The following GRIK4 variants were observed in gnomAD, a reference collection of about 807,000 sequenced individuals.
GRIK4 encodes the protein glutamate receptor ionotropic, kainate 4.
A neutral mutation model predicts 104.9 loss-of-function variants in GRIK4; 40 were observed. That is an observed-to-expected ratio of 0.38 (90% confidence interval 0.30 to 0.50). The LOEUF is 0.50. Ranked by LOEUF, GRIK4 falls within the 20% of genes least tolerant of loss-of-function variation. The pLI, the probability that GRIK4 is intolerant of heterozygous loss-of-function variation, is 0.93. For missense variants in GRIK4, 1,047 were observed against 1,308.1 expected (o/e 0.80, Z 3.08); for synonymous variants, 485 against 524.9 (o/e 0.92, Z 1.04).
At chr11:120,593,826 C>T (rs928948884) in intron 1 of GRIK4, among the ~76,000 whole-genome samples, 55 of 152,194 alleles carry the variant, frequency 3.6e-4, no homozygotes, top group African/African-American at 1.3e-3. Flanking sequence ...CAGTAAATGG[C>T]ACAATTGTCC....
chr11:120,590,850 C>T (rs573416469), intron 1 of GRIK4, among the ~76,000 whole-genome samples: 2 of 152,248 alleles, frequency 1.3e-5, no homozygotes, highest in South Asian at 4.2e-4. Context: ...GAGATGGGTA[C>T]TGCTATCTCT....
intron 3 of GRIK4, among the ~76,000 whole-genome samples, chr11:120,743,038 C>A (rs1951367594): frequency 6.6e-6 from 1 of 152,158 alleles, no homozygotes; most frequent in Admixed American, 6.5e-5. Context: ...CGAGACCAGC[C>A]TGGCCAACAT....
chr11:120,646,252 C>T (rs927173075), intron 1 of GRIK4, among the ~76,000 whole-genome samples: 1 of 152,200 alleles, frequency 6.6e-6, no homozygotes, highest in Non-Finnish European at 1.5e-5. Flanking sequence ...GCTAAGATCG[C>T]AGCTAATATT....
rs541242558 is a variant in GRIK4, at chr11:120,967,912, G to C, written c.2395+589G>C. 6.6e-6 allele frequency among the ~76,000 whole-genome samples: 1 copy of C among 152,106 alleles called. No homozygotes were observed. Among genetic ancestry groups the C allele is most frequent in the South Asian group, 2.1e-4 (1 of 4,786 alleles). On this transcript the variant is annotated intron_variant, in intron 19 of 20. Coordinates refer to ENST00000527524, the MANE Select transcript of GRIK4 (RefSeq NM_014619.5). The surrounding 1 kb of genome is among the most constrained non-coding windows in gnomAD (Gnocchi z 4.2). The stretch of plus-strand genomic sequence containing the variant: ...CCTCCTCCTGGCCTTCCCTCGAAGA[G>C]CTCTTCACTCCCACCCTACACATTT...
intron 8 of GRIK4, among the ~76,000 whole-genome samples, chr11:120,844,312 T>G (rs1283110353): frequency 6.6e-6 from 1 of 152,176 alleles, no homozygotes; most frequent in Non-Finnish European, 1.5e-5. Context: ...AGGTTGAGTC[T>G]GCTGCCACAC....
At chr11:120,625,766 G>A (rs1304843508) in intron 1 of GRIK4, among the ~76,000 whole-genome samples, 1 of 152,030 alleles carries the variant, frequency 6.6e-6, no homozygotes, top group Non-Finnish European at 1.5e-5. Context: ...GCAGCTGGCT[G>A]GGTGAATCAG....
Position 120,549,530 on chromosome 11 carries a change from G to T in GRIK4, c.-159+37643G>T, listed in dbSNP as rs752758901. On this transcript the variant is annotated intron_variant, in intron 1 of 20. Coordinates refer to ENST00000527524, the MANE Select transcript of GRIK4 (RefSeq NM_014619.5). This position sits in a 1 kb window ranked among gnomAD's most constrained non-coding sequence, Gnocchi z 4.7. ...GGGCTGCAGTGGCACCTGTGTGCAGGCCCCTTTCCTGTAAGAGGTGAGGGC... is the reference window on the plus strand; with the variant it reads ...GGGCTGCAGTGGCACCTGTGTGCAGTCCCCTTTCCTGTAAGAGGTGAGGGC... Among the ~76,000 whole-genome samples, 1 of 152,246 alleles carries T rather than the reference G, an allele frequency of 6.6e-6. No homozygotes were observed. The highest frequency in any genetic ancestry group is 1.5e-5 in the Non-Finnish European group (1 of 68,040).
chr11:120,964,509 T>G (rs1944349940), intron 18 of GRIK4, among the ~76,000 whole-genome samples: 1 of 152,194 alleles, frequency 6.6e-6, no homozygotes, highest in African/African-American at 2.4e-5. Context: ...CTTTGAGAGA[T>G]ATACTCGCTG....
At chr11:120,527,700 T>C (rs1030791391) in intron 1 of GRIK4, among the ~76,000 whole-genome samples, 1 of 152,208 alleles carries the variant, frequency 6.6e-6, no homozygotes, top group Admixed American at 6.5e-5. Flanking sequence ...TGTGGCCTTG[T>C]CTGGTGAGAG....
intron 3 of GRIK4, among the ~76,000 whole-genome samples, chr11:120,728,232 CAT>C (rs1398360437): frequency 2.0e-5 from 3 of 151,882 alleles, no homozygotes; most frequent in African/African-American, 4.8e-5. Flanking sequence ...TTTCTACAGT[CAT>C]ATGTTATGAG....
At chr11:120,795,403 TC>T (rs1952491036) in intron 3 of GRIK4, among the ~76,000 whole-genome samples, 1 of 152,188 alleles carries the variant, frequency 6.6e-6, no homozygotes, top group Non-Finnish European at 1.5e-5. Context: ...ACCCTGCGGA[TC>T]CCTGTGTCGT....
chr11:120,565,731 A>C (rs1413386849), intron 1 of GRIK4, among the ~76,000 whole-genome samples: 4 of 152,162 alleles, frequency 2.6e-5, no homozygotes, highest in Non-Finnish European at 5.9e-5. Flanking sequence ...TGCCTCACTA[A>C]TTACTCCTGC....
chr11:120,971,426 A>G (rs1174919457), intron 19 of GRIK4, among the ~76,000 whole-genome samples: 2 of 152,248 alleles, frequency 1.3e-5, no homozygotes, highest in Admixed American at 6.5e-5. Context: ...TGGAGGAGGA[A>G]AAGTCTGGAA....
intron 13 of GRIK4, among the ~76,000 whole-genome samples, chr11:120,918,882 G>T (rs1028036116): frequency 1.3e-5 from 2 of 152,166 alleles, no homozygotes; most frequent in African/African-American, 2.4e-5. Context: ...CCTACTACCT[G>T]CCAGGCATTT....
intron 1 of GRIK4, among the ~76,000 whole-genome samples, chr11:120,645,435 T>G (rs763743620): frequency 1.3e-5 from 2 of 152,204 alleles, no homozygotes; most frequent in Non-Finnish European, 2.9e-5. Flanking sequence ...GGTGAACAAA[T>G]GAATGAACAA....
At chr11:120,634,009 G>T (rs1184640202) in intron 1 of GRIK4, among the ~76,000 whole-genome samples, 1 of 152,164 alleles carries the variant, frequency 6.6e-6, no homozygotes, top group Admixed American at 6.6e-5. Context: ...GCCAAACGTA[G>T]GTTCAAATCC....
At chr11:120,835,849 T>G (rs1379830064) in intron 7 of GRIK4, among the ~76,000 whole-genome samples, 1 of 152,168 alleles carries the variant, frequency 6.6e-6, no homozygotes, top group Non-Finnish European at 1.5e-5. Flanking sequence ...GGGGTATTTA[T>G]GACGGGTACA....
At position 120,687,472 on chromosome 11, in the gene GRIK4, T is replaced by G. The variant is rs143882338; in HGVS notation, c.82+27072T>G. ...TTTTTTGGAATACATTTATCACATTTAAAGTCCTTTTCTGTTAACTTGTCT... is the reference window on the plus strand; with the variant it reads ...TTTTTTGGAATACATTTATCACATTGAAAGTCCTTTTCTGTTAACTTGTCT... On this transcript the variant is annotated intron_variant, in intron 3 of 20. Coordinates refer to ENST00000527524, the MANE Select transcript of GRIK4 (RefSeq NM_014619.5). 2.8e-3 allele frequency among the ~76,000 whole-genome samples: 420 copies of G among 152,364 alleles called. 3 individuals are homozygous for G. Among genetic ancestry groups the G allele is most frequent in the East Asian group, 0.013 (70 of 5,192 alleles).
chr11:120,856,953 C>T (rs1005634284), intron 8 of GRIK4, among the ~76,000 whole-genome samples: 2 of 152,304 alleles, frequency 1.3e-5, no homozygotes, highest in Admixed American at 1.3e-4. Context: ...CTAGACCTCC[C>T]TTGCAGAAGC....
Sources: gnomAD v4.1 joint callset for allele counts (sites outside exome capture counted in the v4.1 genomes callset) on GRCh38, gnomAD v4.1.1 for gene constraint, Gnocchi (gnomAD v3.1) non-coding constraint, MANE v1.5 for transcripts, NCBI Gene and HGNC (gene_info 2026-07-23, HGNC 2026-07-21) for gene names.